STIL: variants seen among roughly 807,000 people sequenced by gnomAD.
STIL encodes STIL centriolar assembly protein.
In STIL, 55 loss-of-function variants were observed where a neutral mutation model predicts 110.1. The observed-to-expected ratio is 0.50, with a 90% CI of 0.40 to 0.63. The LOEUF is 0.63. Ranked by LOEUF, STIL falls within the 20% of genes least tolerant of loss-of-function variation. STIL has a pLI of 0.00. For missense variants in STIL, 1,358 were observed against 1,530.0 expected, an observed-to-expected ratio of 0.89 and a Z score of 1.87; for synonymous variants, 481 against 530.0, an observed-to-expected ratio of 0.91 and a Z score of 1.27.
At chr1:47,287,721 T>C (rs1324982689) in intron 9 of STIL, 61 bp from the exon 10 acceptor site, 2 of 1,330,018 alleles carry the variant, frequency 1.5e-6, no homozygotes, top group Non-Finnish European at 2.2e-6. Context: ...GAGAATTCTA[T>C]TTAGATGAAA....
At position 47,252,591 on chromosome 1, in the gene STIL, C is replaced by T. The variant is rs571466658; in HGVS notation, c.3081-669G>A. Among the ~76,000 whole-genome samples, 16 of 152,214 alleles carry T rather than the reference C, an allele frequency of 1.1e-4. No homozygotes were observed. In the South Asian group the frequency reaches 1.2e-3, roughly 12 times the overall value. On this transcript the variant is annotated intron_variant, in intron 16 of 16. Coordinates refer to ENST00000371877, the MANE Select transcript of STIL (RefSeq NM_001048166.1). ...TTTAATTTACGACTATTAGCCCAAA[C>T]AGCACAAGAGATCAGCTAATGTTTA...
chr1:47,266,955 T>C (rs191633896), intron 14 of STIL, among the ~76,000 whole-genome samples: 3 of 152,214 alleles, frequency 2.0e-5, no homozygotes, highest in Non-Finnish European at 2.9e-5. Flanking sequence ...TCAGACTTCA[T>C]TTCCTATACT....
chr1:47,310,088 T>C (rs189978874), intron 2 of STIL, among the ~76,000 whole-genome samples, 188 bp downstream of exon 2: 316 of 152,300 alleles, frequency 2.1e-3, no homozygotes, highest in African/African-American at 7.3e-3. Flanking sequence ...CATCCTCATT[T>C]TACAGATGAA....
intron 3 of STIL, among the ~76,000 whole-genome samples, chr1:47,303,497 G>A (rs1234969109): frequency 4.6e-5 from 7 of 152,112 alleles, no homozygotes; most frequent in East Asian, 3.9e-4. Flanking sequence ...CATGGGAGGC[G>A]GAGGTTGCAG....
At position 47,284,479 on chromosome 1, in the gene STIL, C is replaced by A. The variant is rs184089559; in HGVS notation, c.1134-2020G>T. Reference sequence around the variant, plus strand: ...GCCCAAGTGATCCTCCTACCTCAGCCTTCTGAGTAGCTTTTAATAACAATC... The same window carrying A: ...GCCCAAGTGATCCTCCTACCTCAGCATTCTGAGTAGCTTTTAATAACAATC... On this transcript the variant is annotated intron_variant, in intron 10 of 16. Transcript: ENST00000371877. 1.8e-3 allele frequency among the ~76,000 whole-genome samples: 272 copies of A among 152,302 alleles called. 2 individuals are homozygous for A. Among genetic ancestry groups the A allele is most frequent in the African/African-American group, 6.0e-3 (249 of 41,552 alleles).
In STIL at chr1:47,268,083, CATATATA is replaced by C. The variant is rs1276805335; in HGVS notation, c.2615+1545_2615+1551del. Among the ~76,000 whole-genome samples, 6 of 152,330 alleles carry C rather than the reference CATATATA, an allele frequency of 3.9e-5. No homozygotes were observed. The East Asian group carries it at 1.2e-3, about 29-fold the overall frequency. ...TTGAAGCAAATCTCAGATAACATTT[CATATATA>C]AATATTAAGGTTCTATCACTCAAAA... On this transcript the variant is annotated intron_variant, in intron 14 of 16. Coordinates refer to ENST00000371877, the MANE Select transcript of STIL (RefSeq NM_001048166.1).
chr1:47,260,457 C>G lies in STIL; in HGVS notation c.2912G>C (p.Cys971Ser). The change falls in exon 16 of 17, where the codon TGC (cysteine) becomes TCC (serine). Residue 971 changes from cysteine (C) to serine (S), a missense_variant. Physicochemically the swap from Cys to Ser is moderately radical, Grantham distance 112. Coordinates refer to ENST00000371877, the MANE Select transcript of STIL (RefSeq NM_001048166.1). The part of the protein sequence containing the change: ...STKAVIISHE[C>S]TRTQNVYHTK... ...ATGGTAAACGTTTTGGGTTCTGGTGCATTCATGACTGATAATTACTGCTTT... is the reference window on the plus strand; with the variant it reads ...ATGGTAAACGTTTTGGGTTCTGGTGGATTCATGACTGATAATTACTGCTTT... 6.2e-7 allele frequency: 1 copy of G among 1,614,148 alleles called. No individual in the cohort carries two copies. The highest frequency in any genetic ancestry group is 8.5e-7 in the Non-Finnish European group (1 of 1,180,030).
At chr1:47,290,682 A>G (rs1272426447) in intron 8 of STIL, among the ~76,000 whole-genome samples, 2 of 151,518 alleles carry the variant, frequency 1.3e-5, no homozygotes, top group Non-Finnish European at 2.9e-5. Context: ...CAGCCCGGGC[A>G]ACAGAGCAAG....
In STIL at chr1:47,281,037, T is replaced by C. The variant is rs886046391; in HGVS notation, c.1421A>G (p.His474Arg). The C allele has an allele frequency of 6.2e-7, 1 of 1,614,158 alleles. No homozygotes were observed. Among genetic ancestry groups the C allele is most frequent in the Non-Finnish European group, 8.5e-7 (1 of 1,180,028 alleles). ...PLQPQLYDEK[H>R]SPEVEAGEPS... ...CTCTCCAGCTTCAACTTCTGGACTG[T>C]GTTTCTCATCATAAAGCTGGGGTTG... The change falls in exon 12 of 17, where the codon CAC (histidine) becomes CGC (arginine). Residue 474 changes from histidine to arginine, a missense_variant. Physicochemically the swap from His to Arg is conservative, Grantham distance 29 (BLOSUM62 0). Transcript: ENST00000371877.
chr1:47,314,514 G>A (rs1233524401), upstream of STIL, among the ~76,000 whole-genome samples: 2 of 152,198 alleles, frequency 1.3e-5, no homozygotes, highest in Non-Finnish European at 2.9e-5. Flanking sequence ...GATGATCATT[G>A]GTCGGCGACT....
chr1:47,296,383 T>C (rs1006312485), intron 6 of STIL, among the ~76,000 whole-genome samples: 1 of 152,192 alleles, frequency 6.6e-6, no homozygotes, highest in Non-Finnish European at 1.5e-5. Flanking sequence ...AAGCTCACTC[T>C]TTCCTAAAAG....
Position 47,310,421 on chromosome 1 carries a change from T to C in STIL, c.-43-59A>G, listed in dbSNP as rs1368686466. The C allele has an allele frequency of 5.7e-6, 6 of 1,061,520 alleles. No individual in the cohort carries two copies. In the East Asian group the frequency reaches 7.8e-5, roughly 14 times the overall value. The allele number at this position is 1,061,520 out of a possible 1,614,324, so 65.8% of individuals were successfully genotyped here. ...ATAAAAACAAAGAAGAAAAATATGA[T>C]TTAACCACATATTAAAATTACAGGC... is the stretch of plus-strand genomic sequence containing the variant. On this transcript the variant is annotated intron_variant, in intron 1 of 16. Coordinates refer to ENST00000371877, the MANE Select transcript of STIL (RefSeq NM_001048166.1).
At chr1:47,305,186 C>T (rs977061081) in intron 2 of STIL, 190 bp from the exon 3 acceptor site, 8 of 515,836 alleles carry the variant, frequency 1.6e-5, no homozygotes, top group Admixed American at 3.3e-5. Context: ...AGTGCAGTGG[C>T]GTGATCTCAG....
intron 10 of STIL, among the ~76,000 whole-genome samples, chr1:47,284,368 T>G (rs958838939): frequency 2.6e-5 from 4 of 152,172 alleles, no homozygotes; most frequent in African/African-American, 9.7e-5. Context: ...TAACATCACT[T>G]TTTTTGAAGC....
In STIL at chr1:47,293,560, A is replaced by T. The variant is rs201579243; in HGVS notation, c.786-16T>A. On this transcript the variant is annotated splice_polypyrimidine_tract_variant and intron_variant, in intron 7 of 16. Transcript: ENST00000371877. ...AGACAGCCAACTAAAAGAAAAAGAT[A>T]GAAATTAAAAACCATAGTCACTTAC... The T allele has an allele frequency of 2.7e-4, 431 of 1,600,174 alleles. 2 individuals are homozygous for T. The highest frequency in any genetic ancestry group is 2.5e-3 in the South Asian group (230 of 90,732).
intron 6 of STIL, 182 bp downstream of exon 6, chr1:47,299,723 A>G: frequency 2.9e-6 from 2 of 689,490 alleles, no homozygotes; most frequent in Non-Finnish European, 4.6e-6. Context: ...GTGGTGGCAC[A>G]ACTTAAAGAA....
At chr1:47,285,242 G>C (rs978312391) in intron 10 of STIL, among the ~76,000 whole-genome samples, 1 of 152,004 alleles carries the variant, frequency 6.6e-6, no homozygotes, top group Non-Finnish European at 1.5e-5. Context: ...ACATTGCCCA[G>C]GCTGGTCTCG....
At chr1:47,258,740 CA>C (rs1369387144) in intron 16 of STIL, among the ~76,000 whole-genome samples, 1 of 151,974 alleles carries the variant, frequency 6.6e-6, no homozygotes, top group Non-Finnish European at 1.5e-5. Flanking sequence ...AGTACTGGTG[CA>C]AGCCTGTAGT....
At chr1:47,299,684 C>T (rs902495701) in intron 6 of STIL, 9 of 485,708 alleles carry the variant, frequency 1.9e-5, no homozygotes, top group Middle Eastern at 6.0e-4. Context: ...TGAGCCACTG[C>T]GCCAGGCCCT....
Sources: allele counts gnomAD v4.1 joint callset (sites outside exome capture counted in the v4.1 genomes callset), GRCh38; gene constraint gnomAD v4.1.1; transcripts MANE v1.5; gene names NCBI Gene and HGNC (gene_info 2026-07-23, HGNC 2026-07-21).